The following ANO3 variants were observed in gnomAD, a reference collection of about 807,000 sequenced individuals.
ANO3 encodes the protein anoctamin-3.
Under a neutral mutation model 144.8 loss-of-function variants are expected in ANO3, and 99 were observed. The ratio of observed to expected loss-of-function variants is 0.68; its 90% CI spans 0.58 to 0.81. The LOEUF is 0.81. ANO3 is among the 30% of genes least tolerant of loss of function. The pLI, the probability that ANO3 is intolerant of heterozygous loss-of-function variation, is 0.00. For missense variants in ANO3, 905 were observed against 1,202.2 expected (o/e 0.75, Z 3.66); for synonymous variants, 414 against 392.6 (o/e 1.05, Z -0.64).
intron 1 of ANO3, among the ~76,000 whole-genome samples, chr11:26,359,461 C>T (rs1855866583): frequency 6.6e-6 from 1 of 152,174 alleles, no homozygotes; most frequent in South Asian, 2.1e-4. Context: ...AGAAGTTTCA[C>T]ATGTATGTAC....
In ANO3 at chr11:26,553,223, TGTTTTTGTTTTTG is replaced by T. The variant is rs778696247; in HGVS notation, c.1290-25_1290-13del. ...CACAGTTTCATGCTATGTTTTGTTT[TGTTTTTGTTTTTG>T]TTTTTTCTCAAGCCAAGAAATTTGT... On this transcript the variant is annotated splice_polypyrimidine_tract_variant and intron_variant, in intron 12 of 26. Transcript: ENST00000256737. 1.6e-6 allele frequency: 2 copies of T among 1,217,410 alleles called. No homozygotes were observed. The highest frequency in any genetic ancestry group is 2.3e-6 in the Non-Finnish European group (2 of 882,006). The allele number at this position is 1,217,410 out of a possible 1,614,324, so 75.4% of individuals were successfully genotyped here. A position where few individuals can be genotyped will look rare whatever the true frequency, so the allele number is the denominator to read the frequency against.
At chr11:26,617,119 C>G (rs747356888) in intron 17 of ANO3, among the ~76,000 whole-genome samples, 1 of 152,116 alleles carries the variant, frequency 6.6e-6, no homozygotes, top group Non-Finnish European at 1.5e-5. Flanking sequence ...CAAGATTTGG[C>G]TGAAATTGTC....
intron 1 of ANO3, among the ~76,000 whole-genome samples, chr11:26,407,597 T>C (rs1590334606): frequency 6.6e-6 from 1 of 151,884 alleles, no homozygotes; most frequent in African/African-American, 2.4e-5. Context: ...AGCATCCTAT[T>C]TATGTCTTGT....
At chr11:26,615,414 A>ATATATATATTTTTTT (rs1352935016) in intron 17 of ANO3, among the ~76,000 whole-genome samples, 8 of 130,684 alleles carry the variant, frequency 6.1e-5, no homozygotes, top group African/African-American at 1.5e-4. Context: ...ATATATATAT[A>ATATATATATTTTTTT]TTTTTTTTTT....
intron 1 of ANO3, among the ~76,000 whole-genome samples, chr11:26,289,269 C>T (rs1311851425): frequency 6.6e-6 from 1 of 151,768 alleles, no homozygotes; most frequent in Admixed American, 6.6e-5. Context: ...CAGACATTTG[C>T]TCTGTTTTAT....
intron 18 of ANO3, among the ~76,000 whole-genome samples, chr11:26,629,684 G>A (rs1475441328): frequency 6.6e-6 from 1 of 151,962 alleles, no homozygotes; most frequent in Non-Finnish European, 1.5e-5. Flanking sequence ...CAGGCTGGAA[G>A]GCAATGGTGC....
chr11:26,533,031 C>T lies in ANO3; in HGVS notation c.870-1425C>T, dbSNP rs568336668. 3.9e-5 allele frequency among the ~76,000 whole-genome samples: 6 copies of T among 152,184 alleles called. No individual in the cohort carries two copies. In the South Asian group the frequency reaches 1.2e-3, roughly 32 times the overall value. ...GGCAGGTGGACATTCCTTCTCCTAC[C>T]TACAATTAACAGGACTCTGAATTTG... On this transcript the variant is annotated intron_variant, in intron 8 of 26. Transcript: ENST00000256737.
intron 23 of ANO3, among the ~76,000 whole-genome samples, chr11:26,646,045 T>A (rs1414260909): frequency 6.6e-6 from 1 of 152,208 alleles, no homozygotes; most frequent in Non-Finnish European, 1.5e-5. Flanking sequence ...CAGTTAGTAA[T>A]CTTTCACCTT....
intron 4 of ANO3, among the ~76,000 whole-genome samples, chr11:26,494,930 A>AT (rs1266097141): frequency 8.5e-5 from 13 of 152,128 alleles, no homozygotes; most frequent in African/African-American, 1.9e-4. Context: ...TAATCCACTG[A>AT]TTTTTTCTTG....
At chr11:26,543,424 C>G (rs1849695057) in intron 11 of ANO3, among the ~76,000 whole-genome samples, 1 of 151,152 alleles carries the variant, frequency 6.6e-6, no homozygotes, top group Admixed American at 6.6e-5. Flanking sequence ...TCTGGAGACA[C>G]AGAGGGTAAA....
At chr11:26,477,569 C>T (rs997507427) in intron 4 of ANO3, among the ~76,000 whole-genome samples, 1 of 152,126 alleles carries the variant, frequency 6.6e-6, no homozygotes, top group Admixed American at 6.6e-5. Flanking sequence ...AATTACATGT[C>T]CTCTTATCTG....
rs368925343 is a variant in ANO3 at position 26,489,653 on chromosome 11, A to G, written c.433-18451A>G. Among the ~76,000 whole-genome samples, 5 of 152,314 alleles carry G rather than the reference A, an allele frequency of 3.3e-5. No homozygotes were observed. The South Asian group carries it at 8.3e-4, about 25-fold the overall frequency. ...AGCTACAGAGGCAGAACTGCCCAAG[A>G]CTGTAGGAACCTACCTCTTGCATCA... On this transcript the variant is annotated intron_variant, in intron 4 of 26. Coordinates refer to ENST00000256737, the MANE Select transcript of ANO3 (RefSeq NM_031418.4).
Position 26,461,421 on chromosome 11 carries a change from A to G in ANO3, c.314-1609A>G, listed in dbSNP as rs77067766. ...TGCAAATATTACTATGTTCTTTACT[A>G]AAATGACACCCCCCACTCCTTTCAC... On this transcript the variant is annotated intron_variant, in intron 3 of 26. Coordinates refer to ENST00000256737, the MANE Select transcript of ANO3 (RefSeq NM_031418.4). Among the ~76,000 whole-genome samples the G allele has an allele frequency of 2.5e-3, 380 of 152,164 alleles. 11 individuals are homozygous for G. In the East Asian group the frequency reaches 0.064, roughly 25 times the overall value.
chr11:26,643,722 C>T (rs534433477), intron 23 of ANO3, among the ~76,000 whole-genome samples: 1 of 56,914 alleles, frequency 1.8e-5, no homozygotes, highest in Non-Finnish European at 5.4e-5. Context: ...GTGAAACTCC[C>T]TCTCAAAAAA....
chr11:26,379,348 T>G (rs1856516987), intron 1 of ANO3, among the ~76,000 whole-genome samples: 1 of 152,208 alleles, frequency 6.6e-6, no homozygotes, highest in Admixed American at 6.5e-5. Context: ...ATGTGATCTA[T>G]TTTCCATTTG....
At chr11:26,421,120 A>G (rs1411089238) in intron 1 of ANO3, among the ~76,000 whole-genome samples, 1 of 152,020 alleles carries the variant, frequency 6.6e-6, no homozygotes, top group Non-Finnish European at 1.5e-5. Context: ...TCTTAAGATA[A>G]TAATTTTTTT....
rs376649063 is a variant in ANO3 at position 26,357,836 on chromosome 11, A to G, written c.46+25515A>G. Among the ~76,000 whole-genome samples, 28 of 152,210 alleles carry G rather than the reference A, an allele frequency of 1.8e-4. No homozygotes were observed. In the East Asian group the frequency reaches 2.7e-3, roughly 15 times the overall value. ...ATTTTATGTAGGTATTGCATTCATA[A>G]CTGTTATTCATTTTGCATAAATATC... is the stretch of plus-strand genomic sequence containing the variant. On this transcript the variant is annotated intron_variant, in intron 1 of 26. Transcript: ENST00000256737.
chr11:26,355,555 T>A (rs10834968), intron 1 of ANO3, among the ~76,000 whole-genome samples: 28 of 148,648 alleles, frequency 1.9e-4, no homozygotes, highest in African/African-American at 6.8e-4. Context: ...AATTTCTTTC[T>A]TTCTTTCTTT....
chr11:26,594,881 C>T (rs1040602012), intron 14 of ANO3, among the ~76,000 whole-genome samples: 14 of 152,184 alleles, frequency 9.2e-5, no homozygotes, highest in African/African-American at 1.7e-4. Flanking sequence ...ATAATATATA[C>T]TTCCCTCAGG....
Sources: gnomAD v4.1 joint callset for allele counts (sites outside exome capture counted in the v4.1 genomes callset) on GRCh38, gnomAD v4.1.1 for gene constraint, MANE v1.5 for transcripts, NCBI Gene and HGNC (gene_info 2026-07-23, HGNC 2026-07-21) for gene names.